The following DLGAP2 variants were observed in gnomAD, a reference collection of about 807,000 sequenced individuals.
DLGAP2 encodes DLG associated protein 2.
In DLGAP2, 26 loss-of-function variants were observed where a neutral mutation model predicts 100.3. The observed-to-expected ratio is 0.26, with a 90% CI of 0.19 to 0.36. The LOEUF (loss-of-function observed/expected upper bound fraction) is 0.36. DLGAP2 is among the 10% of genes least tolerant of loss of function. The pLI, the probability that DLGAP2 is intolerant of heterozygous loss-of-function variation, is 1.00. For synonymous variants in DLGAP2, 886 were observed against 630.1 expected (o/e 1.41, Z -6.08); for missense variants, 1,858 against 1,453.2 (o/e 1.28, Z -4.53).
At chr8:1,671,532 G>C (rs1344581935) in intron 10 of DLGAP2, among the ~76,000 whole-genome samples, 1 of 152,194 alleles carries the variant, frequency 6.6e-6, no homozygotes, top group Non-Finnish European at 1.5e-5. Context: ...TCCTGTCCCG[G>C]GGTGGGGGGT....
At chr8:1,637,702 G>T (rs989995634) in intron 8 of DLGAP2, among the ~76,000 whole-genome samples, 1 of 152,222 alleles carries the variant, frequency 6.6e-6, no homozygotes, top group African/African-American at 2.4e-5. Flanking sequence ...TGTTTGCTGT[G>T]TGCCGGCCGC....
intron 1 of DLGAP2, among the ~76,000 whole-genome samples, chr8:785,394 C>G (rs1477163940): frequency 1.3e-5 from 2 of 149,960 alleles, no homozygotes; most frequent in Non-Finnish European, 3.0e-5. Context: ...CTGAGACCGG[C>G]TTCTCTCCTC....
chr8:1,605,721 C>G (rs139018659), intron 6 of DLGAP2, among the ~76,000 whole-genome samples: 3 of 152,334 alleles, frequency 2.0e-5, no homozygotes, highest in African/African-American at 7.2e-5. Context: ...TCCGAGCCCA[C>G]AGCGTCCATG....
At chr8:1,344,817 C>T (rs763233222) in intron 3 of DLGAP2, among the ~76,000 whole-genome samples, 3 of 152,192 alleles carry the variant, frequency 2.0e-5, no homozygotes, top group African/African-American at 4.8e-5. Context: ...GTCTGACTCA[C>T]AGCAGGTACA....
intron 3 of DLGAP2, among the ~76,000 whole-genome samples, chr8:1,427,112 G>C (rs1271033608): frequency 7.9e-5 from 12 of 152,094 alleles, no homozygotes. Context: ...ACACTACATA[G>C]GTTAAAAATC....
At chr8:1,683,995 T>TATATATATACAC (rs1563061391) in intron 12 of DLGAP2, among the ~76,000 whole-genome samples, 2 of 130,274 alleles carry the variant, frequency 1.5e-5, no homozygotes, top group Non-Finnish European at 3.3e-5. Context: ...TATACTTTTT[T>TATATATATACAC]TTTTAAGACG....
chr8:1,468,533 C>T (rs1002745437), intron 3 of DLGAP2, among the ~76,000 whole-genome samples: 1 of 152,244 alleles, frequency 6.6e-6, no homozygotes, highest in Non-Finnish European at 1.5e-5. Context: ...AGAACCACAC[C>T]TGTTCCAACA....
chr8:1,653,920 G>C (rs181127851), intron 8 of DLGAP2, among the ~76,000 whole-genome samples: 24 of 152,186 alleles, frequency 1.6e-4, no homozygotes, highest in African/African-American at 5.8e-4. Context: ...AGTTGCCTTT[G>C]CTTTATTGTT....
At chr8:1,173,474 C>G (rs139567876) in intron 2 of DLGAP2, among the ~76,000 whole-genome samples, 27,875 of 152,210 alleles carry the variant, frequency 0.18, 2,729 homozygotes, top group Middle Eastern at 0.33. Context: ...TGTCTGTGCC[C>G]TGCCCCCAGA....
At chr8:1,096,857 C>G (rs1294876804) in intron 2 of DLGAP2, among the ~76,000 whole-genome samples, 2 of 141,508 alleles carry the variant, frequency 1.4e-5, no homozygotes, top group African/African-American at 5.4e-5. Context: ...CGGGGCAGGC[C>G]TTCACCCTCT....
intron 4 of DLGAP2, among the ~76,000 whole-genome samples, chr8:1,502,672 C>T (rs908281372): frequency 1.3e-5 from 2 of 152,274 alleles, no homozygotes; most frequent in Non-Finnish European, 2.9e-5. Flanking sequence ...GGCAATACTC[C>T]ATCGCGATGA....
intron 2 of DLGAP2, among the ~76,000 whole-genome samples, chr8:1,191,600 A>G (rs1277700359): frequency 6.6e-6 from 1 of 152,238 alleles, no homozygotes; most frequent in African/African-American, 2.4e-5. Flanking sequence ...AGAACAAGAC[A>G]GGCAGCCACA....
intron 6 of DLGAP2, among the ~76,000 whole-genome samples, chr8:1,569,276 A>G (rs1027115968): frequency 2.6e-5 from 4 of 152,278 alleles, no homozygotes; most frequent in Non-Finnish European, 4.4e-5. Flanking sequence ...CACTCCATTG[A>G]TGAGTCCAAC....
At chr8:1,579,632 G>A (rs1223676510) in intron 6 of DLGAP2, among the ~76,000 whole-genome samples, 2 of 151,984 alleles carry the variant, frequency 1.3e-5, no homozygotes, top group African/African-American at 4.8e-5. Flanking sequence ...ATGAATAAAG[G>A]CCAAGCAAAG....
intron 3 of DLGAP2, among the ~76,000 whole-genome samples, chr8:1,347,628 T>G (rs1336979855): frequency 6.6e-6 from 1 of 151,550 alleles, no homozygotes; most frequent in African/African-American, 2.4e-5. Context: ...TTTGCACTCA[T>G]GGTAGCTGTG....
intron 2 of DLGAP2, among the ~76,000 whole-genome samples, chr8:1,210,501 C>T (rs1046241241): frequency 1.3e-5 from 2 of 152,170 alleles, no homozygotes; most frequent in African/African-American, 4.8e-5. Context: ...GGCGGGCAGG[C>T]AGCTCAGCTC....
At chr8:1,320,042 C>T (rs1051432680) in intron 3 of DLGAP2, among the ~76,000 whole-genome samples, 1 of 152,064 alleles carries the variant, frequency 6.6e-6, no homozygotes, top group African/African-American at 2.4e-5. Context: ...GTTGCGGCCT[C>T]TGGGCCCAGG....
intron 3 of DLGAP2, among the ~76,000 whole-genome samples, chr8:1,443,233 T>C (rs4876054): frequency 0.55 from 83,633 of 151,616 alleles, 23,748 homozygotes; most frequent in East Asian, 0.9. Flanking sequence ...TTCCCTCCAC[T>C]GCCCACAGAT....
At position 1,501,332 on chromosome 8, in the gene DLGAP2, G is replaced by A. The variant is rs58967535; in HGVS notation, c.107-34G>A. ...AATGACTGCAGTCTACACCAGAAAC[G>A]CATTAAAGAGTGACTTTGTTTCTGT... On this transcript the variant is annotated intron_variant, in intron 3 of 14. Transcript: ENST00000637795. 7.8e-6 allele frequency: 12 copies of A among 1,534,716 alleles called. No individual in the cohort carries two copies. The Admixed American group carries it at 1.4e-4, about 18-fold the overall frequency.
Sources: gnomAD v4.1 joint callset for allele counts (sites outside exome capture counted in the v4.1 genomes callset) on GRCh38, gnomAD v4.1.1 for gene constraint, MANE v1.5 for transcripts, NCBI Gene and HGNC (gene_info 2026-07-23, HGNC 2026-07-21) for gene names.